The following DMD variants were observed in gnomAD, a reference collection of about 807,000 sequenced individuals.
DMD encodes the protein dystrophin, also known as mutant dystrophin.
In DMD, 63 loss-of-function variants were observed where a neutral mutation model predicts 330.1. That is an observed-to-expected ratio of 0.19 (90% CI 0.16 to 0.24). DMD has a LOEUF of 0.24. Among genes scored for constraint, DMD ranks in the 10% least tolerant of loss-of-function variants. DMD has a pLI of 1.00. For synonymous variants in DMD, 1,223 were observed against 959.8 expected, an observed-to-expected ratio of 1.27 and a Z score of -5.07; for missense variants, 3,344 against 2,684.1, an observed-to-expected ratio of 1.25 and a Z score of -5.43.
At chrX:32,856,102 C>T (rs1401711551) in intron 2 of DMD, among the ~76,000 whole-genome samples, 1 of 112,147 alleles carries the variant, frequency 8.9e-6, no homozygotes, top group Non-Finnish European at 1.9e-5. Flanking sequence ...ATCAAAACTA[C>T]AATGAGGTAT....
At position 33,098,275 on chromosome X, in the gene DMD, A is replaced by G. The variant is rs140147038; in HGVS notation, c.32-78075T>C. 6.8e-4 allele frequency among the ~76,000 whole-genome samples: 76 copies of G among 112,021 alleles called. 3 individuals are homozygous for G. Among genetic ancestry groups the G allele is most frequent in the Non-Finnish European group, 5.6e-5 (3 of 53,248 alleles). ...AATATCACAAAACTGGTGCTTATCT[A>G]TCAAAGAATACTGACAATGCCATTA... is the stretch of plus-strand genomic sequence containing the variant. On this transcript the variant is annotated intron_variant, in intron 1 of 78. Transcript: ENST00000357033.
chrX:32,448,367 T>G (rs2098314152), intron 27 of DMD, 89 bp downstream of exon 27: 1 of 1,049,908 alleles, frequency 9.5e-7, no homozygotes, highest in South Asian at 1.9e-5. Context: ...AAAGTTGTTT[T>G]GCACTGGTAT....
intron 34 of DMD, among the ~76,000 whole-genome samples, chrX:32,377,290 G>T (rs1357699519): frequency 9.0e-6 from 1 of 111,670 alleles, no homozygotes; most frequent in Non-Finnish European, 1.9e-5. Flanking sequence ...GAGTACTACT[G>T]AGCTTTATTT....
chrX:32,545,115 T>C (rs768386238), intron 17 of DMD, 44 bp downstream of exon 17: 1 of 1,169,628 alleles, frequency 8.5e-7, no homozygotes, highest in Non-Finnish European at 1.2e-6. Context: ...TGTAAATGAG[T>C]TTTCTCCACT....
chrX:33,055,614 T>A (rs781143869), intron 1 of DMD, among the ~76,000 whole-genome samples: 2 of 112,145 alleles, frequency 1.8e-5, no homozygotes, highest in Non-Finnish European at 3.8e-5. Flanking sequence ...AAATGAGATA[T>A]TTTCTCCTCA....
chrX:32,384,462 A>G (rs2097944889), intron 33 of DMD, among the ~76,000 whole-genome samples: 1 of 111,105 alleles, frequency 9.0e-6, no homozygotes, highest in Non-Finnish European at 1.9e-5. Context: ...ATTGAGTATC[A>G]GTGTTTCTTA....
chrX:31,539,158 G>A (rs2073630605), intron 55 of DMD, among the ~76,000 whole-genome samples: 1 of 111,897 alleles, frequency 8.9e-6, no homozygotes, highest in Non-Finnish European at 1.9e-5. Context: ...GCATTGCCTT[G>A]AGAAGTGCTC....
intron 71 of DMD, 116 bp downstream of exon 71, chrX:31,177,816 T>C (rs778117771): frequency 1.5e-6 from 1 of 669,264 alleles, no homozygotes; most frequent in East Asian, 3.4e-5. Context: ...GGGGAATTAA[T>C]ATGTCCATAA....
chrX:33,273,649 G>A lies in DMD; in HGVS notation c.7+65610C>T, dbSNP rs1251883045. Among the ~76,000 whole-genome samples, 7 of 112,150 alleles carry A rather than the reference G, an allele frequency of 6.2e-5. No individual in the cohort carries two copies. In the East Asian group the frequency reaches 1.4e-3, roughly 22 times the overall value. ...TTGAAGGGCCCACATGAAGCCATAC[G>A]CAATTAGCATATGCTGTATTGTGGC... On this transcript the variant is annotated intron_variant, in intron 1 of 17. Coordinates refer to the DMD transcript ENST00000288447.
intron 63 of DMD, among the ~76,000 whole-genome samples, chrX:31,228,268 A>G (rs5926999): frequency 1.6e-5 from 1 of 62,703 alleles, no homozygotes; most frequent in South Asian, 1.1e-3. Flanking sequence ...AAAAAAAAAT[A>G]AAAAAATAAA....
At chrX:31,620,993 C>A (rs1427739885) in intron 55 of DMD, among the ~76,000 whole-genome samples, 1 of 111,519 alleles carries the variant, frequency 9.0e-6, no homozygotes, top group African/African-American at 3.3e-5. Flanking sequence ...TAACCCAGAT[C>A]TTTTTCCAAA....
At chrX:31,173,022 T>C (rs2040154803) in intron 72 of DMD, among the ~76,000 whole-genome samples, 1 of 111,908 alleles carries the variant, frequency 8.9e-6, no homozygotes, top group East Asian at 2.8e-4. Context: ...AAGCATAAAA[T>C]ATTTTAAAAT....
At chrX:32,276,280 A>G (rs917768069) in intron 43 of DMD, among the ~76,000 whole-genome samples, 9 of 112,493 alleles carry the variant, frequency 8.0e-5, no homozygotes, top group African/African-American at 2.3e-4. Context: ...AGTCCCAGGT[A>G]AACCTGAGAG....
chrX:32,657,708 C>T (rs762572956), intron 9 of DMD, among the ~76,000 whole-genome samples: 6 of 111,883 alleles, frequency 5.4e-5, no homozygotes, highest in Admixed American at 1.9e-4. Flanking sequence ...GTAATTGAAA[C>T]GAGATTTTGT....
intron 7 of DMD, among the ~76,000 whole-genome samples, chrX:32,797,380 T>TAC (rs1229522043): frequency 8.9e-6 from 1 of 112,620 alleles, no homozygotes; most frequent in Non-Finnish European, 1.9e-5. Context: ...AAATATACAT[T>TAC]ACATTCAAAT....
At position 32,698,947 on chromosome X, in the gene DMD, T is replaced by C. The variant is rs746211720; in HGVS notation, c.831+165A>G. ...GAATATTGTAGTCAATGAAGCAAAA[T>C]TGAAAAGGTTTAGTCTGTCTCTTTT... is the stretch of plus-strand genomic sequence containing the variant. On this transcript the variant is annotated intron_variant, in intron 8 of 78. Transcript: ENST00000357033. Among the ~76,000 whole-genome samples the C allele has an allele frequency of 2.5e-3, 125 of 50,079 alleles. 1 individual carries two copies. The highest frequency in any genetic ancestry group is 3.7e-3 in the Non-Finnish European group (104 of 27,856). 43.5% of individuals were successfully genotyped at this position (50,079 alleles called of 115,157 possible). A position where few individuals can be genotyped will look rare whatever the true frequency, so the allele number is the denominator to read the frequency against.
At chrX:32,423,918 CA>C (rs1469919014) in intron 29 of DMD, among the ~76,000 whole-genome samples, 2 of 110,480 alleles carry the variant, frequency 1.8e-5, no homozygotes, top group African/African-American at 6.6e-5. Context: ...TCTCAAATAA[CA>C]AAAGAAGATA....
At chrX:31,855,238 G>T in intron 48 of DMD, among the ~76,000 whole-genome samples, 1 of 111,647 alleles carries the variant, frequency 9.0e-6, no homozygotes, top group Admixed American at 9.6e-5. Flanking sequence ...TCAGTTTCTG[G>T]CTGAATGGGT....
At chrX:32,695,261 T>C (rs982097789) in intron 9 of DMD, among the ~76,000 whole-genome samples, 153 of 111,824 alleles carry the variant, frequency 1.4e-3, no homozygotes, top group African/African-American at 4.7e-3. Context: ...GTTCTGCCAC[T>C]TACTAATTAG....
Sources: gnomAD v4.1 joint callset for allele counts (sites outside exome capture counted in the v4.1 genomes callset) on GRCh38, gnomAD v4.1.1 for gene constraint, MANE v1.5 for transcripts, NCBI Gene and HGNC (gene_info 2026-07-23, HGNC 2026-07-21) for gene names.